Variants in SLIT3 observed in about 807,000 individuals in gnomAD.
SLIT3 encodes slit guidance ligand 3, also known as slit homolog 3 protein.
In SLIT3, 68 loss-of-function variants were observed where a neutral mutation model predicts 184.0. That is an observed-to-expected ratio of 0.37 (90% CI 0.30 to 0.45). The LOEUF is 0.45. Among genes scored for constraint, SLIT3 ranks in the 20% least tolerant of loss-of-function variants. The pLI, the probability that SLIT3 is intolerant of heterozygous loss-of-function variation, is 1.00. For synonymous variants in SLIT3, 831 were observed against 828.6 expected (o/e 1.00, Z -0.05); for missense variants, 1,707 against 2,026.0 (o/e 0.84, Z 3.02).
At chr5:169,126,848 G>C (rs1050785869) in intron 4 of SLIT3, among the ~76,000 whole-genome samples, 2 of 152,162 alleles carry the variant, frequency 1.3e-5, no homozygotes, top group East Asian at 3.9e-4. Flanking sequence ...CCTGATCCTT[G>C]GTTGCCCAGA....
Position 169,122,748 on chromosome 5 carries a change from G to A in SLIT3, c.413+70731C>T, listed in dbSNP as rs542374303. Among the ~76,000 whole-genome samples, 10 of 152,214 alleles carry A rather than the reference G, an allele frequency of 6.6e-5. No individual in the cohort carries two copies. The South Asian group carries it at 1.5e-3, about 22-fold the overall frequency. On this transcript the variant is annotated intron_variant, in intron 4 of 35. Transcript: ENST00000519560. ...CACAGGGTTATTTGGGTCTCCCATT[G>A]GTCAATGTCTATGACCGACCTTTCA...
At chr5:168,719,767 G>A (rs544243004) in intron 23 of SLIT3, among the ~76,000 whole-genome samples, 1 of 152,208 alleles carries the variant, frequency 6.6e-6, no homozygotes, top group African/African-American at 2.4e-5. Flanking sequence ...TGGGAGAAAG[G>A]ACATTTTTAC....
rs537848702 is a variant in SLIT3, at chr5:168,911,249, G to T, written c.414-27913C>A. 3.6e-4 allele frequency among the ~76,000 whole-genome samples: 55 copies of T among 152,160 alleles called. 1 individual carries two copies. The highest frequency in any genetic ancestry group is 1.3e-3 in the African/African-American group (53 of 41,496). Reference sequence around the variant, plus strand: ...ATAGATATATGTATGTTAAACTCCCGTGCACACATTTTGAATGATTTATGG... The same window carrying T: ...ATAGATATATGTATGTTAAACTCCCTTGCACACATTTTGAATGATTTATGG... On this transcript the variant is annotated intron_variant, in intron 4 of 35. Coordinates refer to ENST00000519560, the MANE Select transcript of SLIT3 (RefSeq NM_003062.4).
intron 2 of SLIT3, among the ~76,000 whole-genome samples, chr5:169,247,784 A>T (rs186881660): frequency 6.8e-4 from 103 of 152,002 alleles, no homozygotes; most frequent in African/African-American, 2.4e-3. Context: ...TTAGGAGGGG[A>T]CATAGAGACA....
At chr5:168,952,256 C>T (rs1490745861) in intron 4 of SLIT3, among the ~76,000 whole-genome samples, 2 of 152,120 alleles carry the variant, frequency 1.3e-5, no homozygotes, top group African/African-American at 4.8e-5. Context: ...ATGCTGTGGG[C>T]ATAAATATAT....
At chr5:168,920,848 A>G (rs1378697365) in intron 4 of SLIT3, among the ~76,000 whole-genome samples, 2 of 152,154 alleles carry the variant, frequency 1.3e-5, no homozygotes, top group African/African-American at 4.8e-5. Context: ...CCACCCATTA[A>G]GCTTTTCCAT....
rs186145372 is a variant in SLIT3 at position 168,905,945 on chromosome 5, A to G, written c.414-22609T>C. Among the ~76,000 whole-genome samples the G allele has an allele frequency of 5.3e-5, 8 of 152,322 alleles. 1 individual carries two copies. Among genetic ancestry groups the G allele is most frequent in the African/African-American group, 1.9e-4 (8 of 41,572 alleles). ...CTGGAGTGCCAGGAAGCAAAGCATT[A>G]AAGGAGGTGAACGCGAAAGAGATAC... On this transcript the variant is annotated intron_variant, in intron 4 of 35. Transcript: ENST00000519560.
At chr5:169,090,318 TCCA>T (rs1759526977) in intron 4 of SLIT3, among the ~76,000 whole-genome samples, 1 of 152,114 alleles carries the variant, frequency 6.6e-6, no homozygotes. Flanking sequence ...TCCCAGTGCC[TCCA>T]CCACCAGTCT....
intron 6 of SLIT3, among the ~76,000 whole-genome samples, chr5:168,838,421 A>G (rs575424797): frequency 6.6e-6 from 1 of 152,364 alleles, no homozygotes; most frequent in African/African-American, 2.4e-5. Flanking sequence ...TAGACTCTCA[A>G]AAATAGTAGA....
chr5:168,912,107 G>A (rs994720168), intron 4 of SLIT3, among the ~76,000 whole-genome samples: 8 of 152,072 alleles, frequency 5.3e-5, no homozygotes, highest in African/African-American at 1.4e-4. Context: ...AGATGAGGAC[G>A]GAGGTTTTTA....
intron 4 of SLIT3, among the ~76,000 whole-genome samples, chr5:169,100,402 G>C (rs781205740): frequency 6.6e-6 from 1 of 152,136 alleles, no homozygotes; most frequent in Admixed American, 6.5e-5. Context: ...TTAGTCAAAT[G>C]GGGAAAATGA....
chr5:169,161,624 G>A (rs1351029623), intron 4 of SLIT3, among the ~76,000 whole-genome samples: 1 of 150,926 alleles, frequency 6.6e-6, no homozygotes, highest in Non-Finnish European at 1.5e-5. Context: ...CAACCATGTG[G>A]TTTCAAAGCT....
chr5:168,670,860 T>G (rs1761216704), intron 34 of SLIT3, among the ~76,000 whole-genome samples: 1 of 152,218 alleles, frequency 6.6e-6, no homozygotes, highest in South Asian at 2.1e-4. Flanking sequence ...ATACACCTGG[T>G]GCCTTGCACA....
At chr5:168,761,526 C>T (rs7730187) in intron 15 of SLIT3, among the ~76,000 whole-genome samples, 91,164 of 151,826 alleles carry the variant, frequency 0.6, 28,304 homozygotes, top group African/African-American at 0.77. Context: ...ATGCTTGCAT[C>T]ATCTTTCTTA....
intron 32 of SLIT3, among the ~76,000 whole-genome samples, chr5:168,682,296 C>T (rs937924481): frequency 2.6e-5 from 4 of 152,250 alleles, no homozygotes; most frequent in African/African-American, 9.6e-5. Flanking sequence ...CCCACCTGTT[C>T]TCTCTGCTCT....
At chr5:169,229,985 C>G (rs972025786) in intron 3 of SLIT3, among the ~76,000 whole-genome samples, 2 of 152,162 alleles carry the variant, frequency 1.3e-5, no homozygotes, top group African/African-American at 4.8e-5. Flanking sequence ...TGTGAATCTG[C>G]TCTTCCTTCG....
chr5:169,187,885 T>A (rs1204691371), intron 4 of SLIT3, among the ~76,000 whole-genome samples: 1 of 144,810 alleles, frequency 6.9e-6, no homozygotes, highest in Non-Finnish European at 1.5e-5. Flanking sequence ...AAAAAAAAAG[T>A]TGTGAACCCA....
chr5:169,066,430 G>A (rs1353563807), intron 4 of SLIT3, among the ~76,000 whole-genome samples: 5 of 152,188 alleles, frequency 3.3e-5, no homozygotes, highest in Admixed American at 6.5e-5. Flanking sequence ...GCCAACATAT[G>A]CATGAAAAAA....
chr5:169,142,068 AAAATAAAAATAAAAATAAAT>A (rs1250211890), intron 4 of SLIT3, among the ~76,000 whole-genome samples: 6 of 90,516 alleles, frequency 6.6e-5, no homozygotes, highest in African/African-American at 3.2e-4. Context: ...AATAAAAATA[AAAATAAAAATAAAAATAAAT>A]AAATAAATAA....
Sources: allele counts gnomAD v4.1 joint callset (sites outside exome capture counted in the v4.1 genomes callset), GRCh38; gene constraint gnomAD v4.1.1; transcripts MANE v1.5; gene names NCBI Gene and HGNC (gene_info 2026-07-23, HGNC 2026-07-21).